Variants in GBP1 observed in about 807,000 individuals in gnomAD.
GBP1 encodes the protein guanylate binding protein 1, also known as guanylate-binding protein 1.
GBP1 carries 64 observed loss-of-function variants against 69.5 expected under a neutral mutation model. That is an observed-to-expected ratio of 0.92 (90% CI 0.75 to 1.13). GBP1 has a LOEUF of 1.13. Among genes scored for constraint, GBP1 ranks in the 50% most tolerant of loss-of-function variants. The probability of loss-of-function intolerance (pLI) is 0.00; values close to 1 mark genes in which losing one functional copy is unlikely to be tolerated. For synonymous variants in GBP1, 250 were observed against 261.2 expected, an observed-to-expected ratio of 0.96 and a Z score of 0.41; for missense variants, 630 against 704.1, an observed-to-expected ratio of 0.89 and a Z score of 1.19.
chr1:89,054,939 T>A, intron 9 of GBP1, 64 bp from the exon 10 acceptor site: 1 of 1,573,350 alleles, frequency 6.4e-7, no homozygotes. Context: ...TTCTTCCTTA[T>A]ACACTTACCT....
rs1208968136 is a variant in GBP1, at chr1:89,058,876, T to G, written c.596A>C (p.Asp199Ala). ...CTTCAGGGAGTATGTCAGGTACTCATCTGGTGTGAGGGGTTGTCCATCTGC... is the reference window on the plus strand; with the variant it reads ...CTTCAGGGAGTATGTCAGGTACTCAGCTGGTGTGAGGGGTTGTCCATCTGC... ...LEADGQPLTP[D>A]EYLTYSLKLK... Residue 199 changes from aspartate (D) to alanine (A), a missense_variant, in exon 5 of 11, where the codon GAT becomes GCT. By Grantham distance (126) the Asp-to-Ala change is moderately radical. Around this residue, in one of 5 missense-constraint regions of GBP1, gnomAD observed 367 missense variants for 369.5 expected, o/e 0.99. Transcript: ENST00000370473. 1 of 1,614,212 alleles carries G rather than the reference T, an allele frequency of 6.2e-7. No individual in the cohort carries two copies. Among genetic ancestry groups the G allele is most frequent in the East Asian group, 2.2e-5 (1 of 44,882 alleles).
Position 89,058,154 on chromosome 1 carries a change from A to G in GBP1, c.712T>C (p.Phe238Leu). The G allele has an allele frequency of 4.3e-6, 7 of 1,614,106 alleles. No individual in the cohort carries two copies. Among genetic ancestry groups the G allele is most frequent in the Non-Finnish European group, 5.9e-6 (7 of 1,179,958 alleles). ...TTCCTGCGGTGAACGGGCCGATCAA[A>G]GACAAAGCATTTTTTCTTTGGGAAG... ...KFFPKKKCFV[F>L]DRPVHRRKLA... Residue 238 changes from phenylalanine (F) to leucine (L), a missense_variant, in exon 6 of 11, where the codon TTT (phenylalanine) becomes CTT (leucine). Phe to Leu is a conservative substitution (Grantham distance 22). This residue lies in a region of GBP1 where 367 missense variants were observed against 369.5 expected (regional missense o/e 0.99). Coordinates refer to ENST00000370473, the MANE Select transcript of GBP1 (RefSeq NM_002053.3).
chr1:89,053,665 A>G (rs1679974294), intron 10 of GBP1, among the ~76,000 whole-genome samples, 197 bp from the exon 11 acceptor site: 1 of 152,220 alleles, frequency 6.6e-6, no homozygotes, highest in African/African-American at 2.4e-5. Context: ...TAACACCGAA[A>G]TAAGCAAAGT....
At chr1:89,057,239 T>C (rs1680072515) in intron 6 of GBP1, 105 bp from the exon 7 acceptor site, 4 of 1,465,260 alleles carry the variant, frequency 2.7e-6, no homozygotes, top group Non-Finnish European at 3.7e-6. Flanking sequence ...ACAGCATCAA[T>C]GTCCTCAGCA....
chr1:89,056,112 C>T lies in GBP1; in HGVS notation c.1272G>A (p.Ala424=), dbSNP rs145201595. Residue 424 remains alanine (A), a synonymous_variant, in exon 8 of 11, where the codon GCG becomes GCA. Coordinates refer to ENST00000370473, the MANE Select transcript of GBP1 (RefSeq NM_002053.3). ...IFSPLEEEVK[A]GIYSKPGGYR... is the part of the protein sequence containing the mutation. The stretch of plus-strand genomic sequence containing the variant: ...AGCCCCCTGGTTTCGAATAAATTCC[C>T]GCCTTCACTTCTTCTTCTAGAGGAC... 2.5e-4 allele frequency: 409 copies of T among 1,613,926 alleles called. 3 individuals carry two copies. In the African/African-American group the frequency reaches 4.0e-3, roughly 16 times the overall value.
In GBP1 at chr1:89,052,392, A is replaced by G. The variant is rs1679941604; in HGVS notation, c.*963T>C. 1 of 152,236 alleles carries G rather than the reference A, an allele frequency of 6.6e-6. No homozygotes were observed. The highest frequency in any genetic ancestry group is 6.5e-5 in the Admixed American group (1 of 15,284). 9.4% of individuals were successfully genotyped at this position (152,236 alleles called of 1,614,324 possible). A position where few individuals can be genotyped will look rare whatever the true frequency, so the allele number is the denominator to read the frequency against. ...TTTCCTAGGACTTTTCACACATAAG[A>G]CAAAGTCTACATATACTAGGTAAAC... On this transcript the variant is annotated 3_prime_UTR_variant, in exon 11 of 11. Transcript: ENST00000370473.
chr1:89,064,236 TGTGTGAGAGAGA>T (rs1165952266), intron 1 of GBP1, among the ~76,000 whole-genome samples: 8 of 117,348 alleles, frequency 6.8e-5, no homozygotes, highest in African/African-American at 2.7e-4. Flanking sequence ...TGTGTGTGTG[TGTGTGAGAGAGA>T]GAGAGAGAGA....
intron 10 of GBP1, 23 bp from the exon 11 acceptor site, chr1:89,053,491 TGAGTA>T (rs1338530314): frequency 6.2e-7 from 1 of 1,609,896 alleles, no homozygotes; most frequent in East Asian, 2.2e-5. Context: ...AAACGAAGGC[TGAGTA>T]AAGTGTAGCA....
intron 5 of GBP1, chr1:89,058,494 G>C (rs1680102002): frequency 1.9e-6 from 1 of 518,820 alleles, no homozygotes; most frequent in East Asian, 3.3e-5. Context: ...CCAATGCTTG[G>C]ACTAGCACAC....
Position 89,055,217 on chromosome 1 carries a change from T to A in GBP1, c.1369-2A>T, listed in dbSNP as rs1680013499. 1 of 1,612,988 alleles carries A rather than the reference T, an allele frequency of 6.2e-7. No homozygotes were observed. ...GTATGTCTGCAGAATCTCTTCAGCC[T>A]TAGGACCCAGAGAACACAGAGTGAG... On this transcript the variant is annotated splice_acceptor_variant, in intron 8 of 10. Transcript: ENST00000370473. LOFTEE classifies it high-confidence loss of function.
At chr1:89,053,736 C>A (rs993657680) in intron 10 of GBP1, among the ~76,000 whole-genome samples, 1 of 152,226 alleles carries the variant, frequency 6.6e-6, no homozygotes, top group African/African-American at 2.4e-5. Flanking sequence ...TAAGCTGCCA[C>A]ACCTTGGTGT....
At chr1:89,062,362 G>T (rs1035996283) in intron 2 of GBP1, among the ~76,000 whole-genome samples, 2 of 152,188 alleles carry the variant, frequency 1.3e-5, no homozygotes, top group Non-Finnish European at 2.9e-5. Context: ...ACACACTGAT[G>T]AACCTTGAAG....
rs566164121 is a variant in GBP1, at chr1:89,058,094, G to C, written c.772C>G (p.Leu258Val). The change falls in exon 6 of 11, where the codon CTG (leucine) becomes GTG (valine). Residue 258 changes from leucine to valine, a missense_variant. Coordinates refer to ENST00000370473, the MANE Select transcript of GBP1 (RefSeq NM_002053.3). Reference protein sequence around the residue: ...AQLEKLQDEELDPEFVQQVAD... With the variant: ...AQLEKLQDEEVDPEFVQQVAD... The stretch of plus-strand genomic sequence containing the variant: ...ACTTGTTGCACAAATTCGGGGTCCA[G>C]CTCTTCATCTTGTAGTTTCTCGAGC... 3 of 1,614,170 alleles carry C rather than the reference G, an allele frequency of 1.9e-6. No homozygotes were observed. Among genetic ancestry groups the C allele is most frequent in the South Asian group, 2.2e-5 (2 of 91,080 alleles).
chr1:89,055,709 T>C, intron 8 of GBP1: 2 of 452,858 alleles, frequency 4.4e-6, no homozygotes, highest in Non-Finnish European at 8.0e-6. Flanking sequence ...TACATTTTTG[T>C]TTAAGCAGCC....
At chr1:89,060,358 T>A (rs1386988152) in intron 2 of GBP1, 34 bp from the exon 3 acceptor site, 1 of 1,513,922 alleles carries the variant, frequency 6.6e-7, no homozygotes, top group Non-Finnish European at 8.9e-7. Flanking sequence ...CGATGGGGAT[T>A]TAGTAACAGG....
At chr1:89,054,239 A>G (rs548000593) in intron 10 of GBP1, among the ~76,000 whole-genome samples, 2 of 152,138 alleles carry the variant, frequency 1.3e-5, no homozygotes, top group South Asian at 2.1e-4. Flanking sequence ...AGCTGGGACT[A>G]CAGGTGCCCG....
intron 8 of GBP1, 133 bp from the exon 9 acceptor site, chr1:89,055,348 C>T: frequency 6.9e-7 from 1 of 1,456,602 alleles, no homozygotes; most frequent in South Asian, 1.4e-5. Context: ...GTCAAATTCC[C>T]TGTCGGAGCG....
At chr1:89,055,775 A>T in intron 8 of GBP1, 1 of 580,222 alleles carries the variant, frequency 1.7e-6, no homozygotes, top group Non-Finnish European at 3.0e-6. Flanking sequence ...TGATGACAAT[A>T]ATAACTTTGT....
intron 6 of GBP1, among the ~76,000 whole-genome samples, chr1:89,057,451 T>C (rs1208201402): frequency 2.0e-5 from 3 of 152,274 alleles, no homozygotes; most frequent in Non-Finnish European, 4.4e-5. Context: ...GAACCATATC[T>C]ATTTCATTTA....
Sources: allele counts gnomAD v4.1 joint callset (sites outside exome capture counted in the v4.1 genomes callset), GRCh38; gene constraint gnomAD v4.1.1; regional missense constraint gnomAD v4.1.1; transcripts MANE v1.5; gene names NCBI Gene and HGNC (gene_info 2026-07-23, HGNC 2026-07-21).